PTPRM: variants seen among roughly 807,000 people sequenced by gnomAD.
PTPRM encodes protein tyrosine phosphatase receptor type M, also known as receptor-type tyrosine-protein phosphatase mu.
PTPRM carries 47 observed loss-of-function variants against 186.7 expected under a neutral mutation model. The ratio of observed to expected loss-of-function variants is 0.25; its 90% CI spans 0.20 to 0.32. PTPRM has a LOEUF of 0.32. PTPRM is among the 10% of genes least tolerant of loss of function. The probability of loss-of-function intolerance (pLI) is 1.00; values close to 1 mark genes in which losing one functional copy is unlikely to be tolerated. For synonymous variants in PTPRM, 668 were observed against 674.9 expected (o/e 0.99, Z 0.16); for missense variants, 1,494 against 1,865.0 (o/e 0.80, Z 3.66).
chr18:7,767,386 A>T (rs2042062806), intron 1 of PTPRM, among the ~76,000 whole-genome samples: 1 of 151,926 alleles, frequency 6.6e-6, no homozygotes, highest in Non-Finnish European at 1.5e-5. Flanking sequence ...GAGTCACAAT[A>T]AAAAAAACAA....
chr18:7,670,427 A>T (rs2039194324), intron 1 of PTPRM, among the ~76,000 whole-genome samples: 1 of 152,244 alleles, frequency 6.6e-6, no homozygotes, highest in Non-Finnish European at 1.5e-5. Flanking sequence ...ATGTTGTAGC[A>T]TGCTTGATGT....
intron 1 of PTPRM, among the ~76,000 whole-genome samples, chr18:7,705,271 ATATCTATT>A (rs1192125857): frequency 4.7e-4 from 68 of 145,614 alleles, no homozygotes; most frequent in East Asian, 3.7e-3. Context: ...ATATTTGAAA[ATATCTATT>A]TATCTATCTA....
chr18:7,638,690 G>A (rs989262696), intron 1 of PTPRM, among the ~76,000 whole-genome samples: 1 of 152,156 alleles, frequency 6.6e-6, no homozygotes, highest in African/African-American at 2.4e-5. Flanking sequence ...TGTTATTTAA[G>A]TATTATTAGG....
intron 1 of PTPRM, among the ~76,000 whole-genome samples, chr18:7,702,357 T>A (rs569877668): frequency 6.6e-6 from 1 of 152,322 alleles, no homozygotes; most frequent in South Asian, 2.1e-4. Flanking sequence ...CATCTGTTGC[T>A]TCTTGACTTT....
At chr18:8,043,823 G>A (rs2086842374) in intron 7 of PTPRM, among the ~76,000 whole-genome samples, 1 of 152,192 alleles carries the variant, frequency 6.6e-6, no homozygotes. Context: ...GGAGTAGGAA[G>A]GGGAGGGGGC....
intron 1 of PTPRM, among the ~76,000 whole-genome samples, chr18:7,754,285 G>A (rs1197598560): frequency 6.6e-6 from 1 of 152,214 alleles, no homozygotes; most frequent in Non-Finnish European, 1.5e-5. Flanking sequence ...GTACTAAGCA[G>A]TTTAAAGAGA....
intron 22 of PTPRM, among the ~76,000 whole-genome samples, chr18:8,328,623 T>C (rs2095393231): frequency 1.3e-5 from 2 of 152,192 alleles, no homozygotes; most frequent in South Asian, 4.1e-4. Context: ...GGTTTCCAAA[T>C]TTAAATAGGG....
intron 15 of PTPRM, among the ~76,000 whole-genome samples, chr18:8,247,030 GA>G (rs1158781623): frequency 2.0e-5 from 3 of 152,108 alleles, no homozygotes; most frequent in African/African-American, 7.2e-5. Context: ...TAACCACCTT[GA>G]GCAACTTTCA....
chr18:8,302,377 G>A (rs2095168591), intron 20 of PTPRM, among the ~76,000 whole-genome samples: 1 of 152,120 alleles, frequency 6.6e-6, no homozygotes, highest in Non-Finnish European at 1.5e-5. Flanking sequence ...GGAGCTGGAA[G>A]GACAGGGGTT....
intron 23 of PTPRM, among the ~76,000 whole-genome samples, chr18:8,359,074 G>C (rs781695911): frequency 6.6e-6 from 1 of 151,572 alleles, no homozygotes; most frequent in Non-Finnish European, 1.5e-5. Context: ...TGGTAATTCA[G>C]CCTAATCCAT....
At chr18:8,343,281 G>C in intron 22 of PTPRM, 142 bp from the exon 23 acceptor site, 1 of 533,116 alleles carries the variant, frequency 1.9e-6, no homozygotes, top group Non-Finnish European at 3.2e-6. Flanking sequence ...GTATCTTTTT[G>C]CATTGACACT....
chr18:7,628,264 C>T (rs142496888), intron 1 of PTPRM, among the ~76,000 whole-genome samples: 237 of 152,234 alleles, frequency 1.6e-3, no homozygotes, highest in African/African-American at 5.3e-3. Flanking sequence ...GAAGCATTCA[C>T]TATTTTTCAC....
At chr18:8,127,405 G>A (rs2092395588) in intron 13 of PTPRM, among the ~76,000 whole-genome samples, 1 of 139,918 alleles carries the variant, frequency 7.1e-6, no homozygotes, top group Non-Finnish European at 1.5e-5. Context: ...GGCACTCAGA[G>A]TCCAGCTGTA....
chr18:7,817,759 C>T (rs77963515), intron 2 of PTPRM, among the ~76,000 whole-genome samples: 3,728 of 152,210 alleles, frequency 0.024, 46 homozygotes, highest in African/African-American at 0.044. Flanking sequence ...ACTGGAGTTG[C>T]GTTTGCACCA....
At chr18:7,939,941 C>T (rs1362171142) in intron 5 of PTPRM, among the ~76,000 whole-genome samples, 3 of 152,178 alleles carry the variant, frequency 2.0e-5, no homozygotes, top group African/African-American at 7.2e-5. Flanking sequence ...TGTATATTTT[C>T]ACAATTTTGT....
chr18:7,921,007 A>G lies in PTPRM; in HGVS notation c.548-5561A>G, dbSNP rs546448705. Among the ~76,000 whole-genome samples, 9 of 152,192 alleles carry G rather than the reference A, an allele frequency of 5.9e-5. No homozygotes were observed. In the East Asian group the frequency reaches 9.7e-4, roughly 16 times the overall value. The stretch of plus-strand genomic sequence containing the variant: ...TGTTATTTGCTTCTTTTCTCTTGCT[A>G]CTTTTAGGATACTCTCTTTGTCTTT... On this transcript the variant is annotated intron_variant, in intron 4 of 32. Coordinates refer to ENST00000580170, the MANE Select transcript of PTPRM (RefSeq NM_001105244.2).
At chr18:8,307,608 AGCCTG>A (rs1368152377) in intron 20 of PTPRM, among the ~76,000 whole-genome samples, 2 of 152,172 alleles carry the variant, frequency 1.3e-5, no homozygotes, top group African/African-American at 4.8e-5. Flanking sequence ...GTTTCAGACC[AGCCTG>A]GCCAACATGG....
chr18:7,675,204 G>A (rs141361305), intron 1 of PTPRM, among the ~76,000 whole-genome samples: 2 of 152,134 alleles, frequency 1.3e-5, no homozygotes, highest in African/African-American at 2.4e-5. Context: ...TATTGTTGGC[G>A]GAGTCCTTAG....
chr18:8,380,577 G>A, intron 29 of PTPRM, 150 bp downstream of exon 29: 3 of 929,948 alleles, frequency 3.2e-6, no homozygotes, highest in Non-Finnish European at 4.8e-6. Context: ...GAACACAACG[G>A]TTAAAAATCA....
Sources: gnomAD v4.1 joint callset for allele counts (sites outside exome capture counted in the v4.1 genomes callset) on GRCh38, gnomAD v4.1.1 for gene constraint, MANE v1.5 for transcripts, NCBI Gene and HGNC (gene_info 2026-07-23, HGNC 2026-07-21) for gene names.